Variants in RYR3 observed in about 807,000 individuals in gnomAD.
RYR3 encodes the protein brain ryanodine receptor-calcium release channel.
In RYR3, 207 loss-of-function variants were observed where a neutral mutation model predicts 584.3. The observed-to-expected ratio is 0.35, with a 90% CI of 0.32 to 0.40. The LOEUF (loss-of-function observed/expected upper bound fraction) is 0.40. Among genes scored for constraint, RYR3 ranks in the 10% least tolerant of loss-of-function variants. The pLI is 1.00. For missense variants in RYR3, 5,616 were observed against 6,089.2 expected (o/e 0.92, Z 2.59); for synonymous variants, 2,416 against 2,248.5 (o/e 1.07, Z -2.11).
intron 1 of RYR3, among the ~76,000 whole-genome samples, chr15:33,348,359 G>A (rs74005186): frequency 0.077 from 11,775 of 152,180 alleles, 901 homozygotes; most frequent in African/African-American, 0.2. Context: ...ACTTAGGTTG[G>A]CATCTTTTCC....
At chr15:33,509,727 G>A (rs966906493) in intron 3 of RYR3, among the ~76,000 whole-genome samples, 2 of 152,098 alleles carry the variant, frequency 1.3e-5, no homozygotes, top group Admixed American at 1.3e-4. Context: ...GGTGTTAAAA[G>A]CCTGAATTTC....
At chr15:33,346,670 T>A (rs896261200) in intron 1 of RYR3, among the ~76,000 whole-genome samples, 5 of 152,190 alleles carry the variant, frequency 3.3e-5, no homozygotes, top group Non-Finnish European at 7.3e-5. Flanking sequence ...AGAAATCCTC[T>A]TGATATCAGA....
intron 12 of RYR3, among the ~76,000 whole-genome samples, chr15:33,568,947 C>T (rs1482389833): frequency 4.6e-5 from 7 of 152,118 alleles, no homozygotes; most frequent in Non-Finnish European, 8.8e-5. Flanking sequence ...TTGAATCTGG[C>T]CTTTTCACTT....
intron 16 of RYR3, among the ~76,000 whole-genome samples, chr15:33,595,633 A>G (rs2059334075): frequency 6.6e-6 from 1 of 152,140 alleles, no homozygotes; most frequent in Non-Finnish European, 1.5e-5. Context: ...TCAGGAATGC[A>G]GTTTATTTTG....
chr15:33,783,595 C>G (rs1389470787), intron 65 of RYR3, among the ~76,000 whole-genome samples: 1 of 152,188 alleles, frequency 6.6e-6, no homozygotes, highest in East Asian at 1.9e-4. Flanking sequence ...GATGTATTGT[C>G]TATGTGACAT....
intron 1 of RYR3, among the ~76,000 whole-genome samples, chr15:33,426,115 G>A (rs2044638170): frequency 6.6e-6 from 1 of 152,174 alleles, no homozygotes; most frequent in Admixed American, 6.5e-5. Context: ...GGCAGTGTGA[G>A]TCAGGAGAAA....
At chr15:33,429,807 G>A (rs527311362) in intron 1 of RYR3, among the ~76,000 whole-genome samples, 21 of 152,200 alleles carry the variant, frequency 1.4e-4, no homozygotes, top group Non-Finnish European at 2.4e-4. Flanking sequence ...ACTGACAGTT[G>A]GTTTCTGGAA....
rs527597518 is a variant in RYR3, at chr15:33,562,802, A to G, written c.973-35A>G. ...TATTGAGCTTCTAATTTAATCAGCT[A>G]TGCCTATGTTTGTTTCTTTTTGTGT... On this transcript the variant is annotated intron_variant, in intron 10 of 103. Coordinates refer to ENST00000634891, the MANE Select transcript of RYR3 (RefSeq NM_001036.6). The G allele has an allele frequency of 9.2e-6, 14 of 1,518,828 alleles. No individual in the cohort carries two copies. The African/African-American group carries it at 1.5e-4, about 16-fold the overall frequency. The allele number at this position is 1,518,828 out of a possible 1,614,324, so 94.1% of individuals were successfully genotyped here.
intron 16 of RYR3, among the ~76,000 whole-genome samples, chr15:33,590,465 G>A (rs1371273701): frequency 1.3e-5 from 2 of 152,098 alleles, no homozygotes; most frequent in Non-Finnish European, 2.9e-5. Context: ...GATAGGGATT[G>A]TATTGAATCT....
At chr15:33,348,227 T>C (rs1972724793) in intron 1 of RYR3, among the ~76,000 whole-genome samples, 1 of 152,186 alleles carries the variant, frequency 6.6e-6, no homozygotes, top group Non-Finnish European at 1.5e-5. Context: ...CTAGTATACA[T>C]AGATAGCTGT....
intron 7 of RYR3, 28 bp downstream of exon 7, chr15:33,540,918 T>C: frequency 7.2e-7 from 1 of 1,393,410 alleles, no homozygotes. Context: ...CATTTAGCCC[T>C]GAGCCTGCCT....
At chr15:33,786,553 A>G (rs1197208965) in intron 66 of RYR3, among the ~76,000 whole-genome samples, 2 of 151,942 alleles carry the variant, frequency 1.3e-5, no homozygotes, top group Non-Finnish European at 2.9e-5. Context: ...CTATTAGCCA[A>G]TTTTCTCTTC....
At chr15:33,482,803 G>A (rs1396448943) in intron 2 of RYR3, among the ~76,000 whole-genome samples, 6 of 152,080 alleles carry the variant, frequency 3.9e-5, no homozygotes, top group African/African-American at 1.4e-4. Flanking sequence ...TGAGCTTTAT[G>A]GATCTTTTGG....
In RYR3 at chr15:33,620,693, T is replaced by C. The variant is rs141668346; in HGVS notation, c.2358-3114T>C. ...TTTGATCTCATCAATCTGGATCTCA[T>C]AGGGCAAGTTACGAAGGGGACCTTC... On this transcript the variant is annotated intron_variant, in intron 19 of 103. Coordinates refer to ENST00000634891, the MANE Select transcript of RYR3 (RefSeq NM_001036.6). Among the ~76,000 whole-genome samples the C allele has an allele frequency of 2.5e-3, 385 of 152,328 alleles. 2 individuals carry two copies. Among genetic ancestry groups the C allele is most frequent in the African/African-American group, 7.7e-3 (319 of 41,566 alleles).
Position 33,785,763 on chromosome 15 carries a change from T to C in RYR3, c.9370T>C (p.Tyr3124His), listed in dbSNP as rs1318143233. The change falls in exon 66 of 104, where the codon TAC becomes CAC. Residue 3124 changes from tyrosine (Y) to histidine (H), a missense_variant. Physicochemically the swap from Tyr to His is moderately conservative, Grantham distance 83. This residue lies in a region of RYR3 where 954 missense variants were observed against 1,132.2 expected (regional missense o/e 0.84). Coordinates refer to ENST00000634891, the MANE Select transcript of RYR3 (RefSeq NM_001036.6). ...CGACCTGGCCGAGTCAGGGGCCCGGTACACAGAGATGCCCCATGTCATCGA... is the reference window on the plus strand; with the variant it reads ...CGACCTGGCCGAGTCAGGGGCCCGGCACACAGAGATGCCCCATGTCATCGA... The part of the protein sequence containing the change: ...INDLAESGAR[Y>H]TEMPHVIEVI... The C allele has an allele frequency of 6.2e-7, 1 of 1,613,946 alleles. No individual in the cohort carries two copies. The highest frequency in any genetic ancestry group is 1.3e-5 in the African/African-American group (1 of 75,018).
At chr15:33,576,695 G>GA (rs2058317226) in intron 12 of RYR3, among the ~76,000 whole-genome samples, 1 of 152,134 alleles carries the variant, frequency 6.6e-6, no homozygotes, top group South Asian at 2.1e-4. Context: ...ATTCCCCCTT[G>GA]AAAACCAGCA....
chr15:33,646,667 AATGTAT>A (rs1204324698), intron 29 of RYR3, 141 bp downstream of exon 29: 4 of 739,774 alleles, frequency 5.4e-6, no homozygotes, highest in Non-Finnish European at 8.7e-6. Context: ...AGAAAATGAG[AATGTAT>A]GTGCACGCAT....
chr15:33,772,589 G>A (rs2073660402), intron 63 of RYR3, among the ~76,000 whole-genome samples: 1 of 152,178 alleles, frequency 6.6e-6, no homozygotes, highest in African/African-American at 2.4e-5. Flanking sequence ...TTCCTTATCT[G>A]AGCTTTCGGA....
intron 74 of RYR3, chr15:33,813,815 C>T: frequency 2.5e-6 from 1 of 402,828 alleles, no homozygotes; most frequent in Non-Finnish European, 4.5e-6. Flanking sequence ...CCATTTGTAC[C>T]CTAAAGTCAG....
Sources: gnomAD v4.1 joint callset for allele counts (sites outside exome capture counted in the v4.1 genomes callset) on GRCh38, gnomAD v4.1.1 for gene constraint, gnomAD v4.1.1 regional missense constraint, MANE v1.5 for transcripts, NCBI Gene and HGNC (gene_info 2026-07-23, HGNC 2026-07-21) for gene names.